EYS: variants seen among roughly 807,000 people sequenced by gnomAD.
The protein encoded by EYS is EGF-like photoreceptor maintenance factor, also known as protein eyes shut homolog.
In EYS, 250 loss-of-function variants were observed where a neutral mutation model predicts 282.1. That is an observed-to-expected ratio of 0.89 (90% CI 0.80 to 0.98). The LOEUF (loss-of-function observed/expected upper bound fraction) is 0.98, where lower values mean the gene tolerates loss of function less well. Ranked by LOEUF, EYS falls within the 50% of genes least tolerant of loss-of-function variation. The pLI is 0.00. For missense variants in EYS, 4,016 were observed against 3,709.0 expected (o/e 1.08, Z -2.15); for synonymous variants, 1,355 against 1,282.9 (o/e 1.06, Z -1.20).
chr6:65,499,861 G>A (rs183371827), intron 2 of EYS, among the ~76,000 whole-genome samples: 2 of 151,918 alleles, frequency 1.3e-5, no homozygotes, highest in Admixed American at 1.3e-4. Context: ...TGACTTTATC[G>A]ATTATGCTCC....
chr6:65,277,289 T>C (rs898797620), intron 12 of EYS, among the ~76,000 whole-genome samples: 2 of 151,882 alleles, frequency 1.3e-5, no homozygotes, highest in Admixed American at 1.3e-4. Flanking sequence ...AAAAATTAGC[T>C]GGGCATGTTG....
At chr6:64,746,721 T>C (rs750333421) in intron 22 of EYS, among the ~76,000 whole-genome samples, 2 of 152,240 alleles carry the variant, frequency 1.3e-5, no homozygotes, top group African/African-American at 4.8e-5. Context: ...CCATACAGAC[T>C]GTATATAGGC....
chr6:64,313,785 A>G (rs2150379960), intron 29 of EYS, among the ~76,000 whole-genome samples: 1 of 152,302 alleles, frequency 6.6e-6, no homozygotes, highest in East Asian at 1.9e-4. Context: ...TAAGTGAAGG[A>G]GAAATAAAAT....
At chr6:64,508,282 C>T (rs985096200) in intron 26 of EYS, among the ~76,000 whole-genome samples, 1 of 151,232 alleles carries the variant, frequency 6.6e-6, no homozygotes, top group Non-Finnish European at 1.5e-5. Context: ...TTGATCAAAA[C>T]GGGGAAATAA....
At chr6:64,706,902 G>A (rs550208156) in intron 22 of EYS, among the ~76,000 whole-genome samples, 3 of 152,244 alleles carry the variant, frequency 2.0e-5, no homozygotes, top group African/African-American at 4.8e-5. Context: ...GGAAAACAAT[G>A]TGGAAATTCC....
chr6:65,482,558 C>A (rs556312123), intron 5 of EYS, among the ~76,000 whole-genome samples: 74 of 152,238 alleles, frequency 4.9e-4, no homozygotes, highest in African/African-American at 1.7e-3. Context: ...CTTTTCTTTC[C>A]ATGAGCAAAA....
chr6:65,393,449 TG>T (rs1766138103), intron 7 of EYS, among the ~76,000 whole-genome samples: 1 of 152,216 alleles, frequency 6.6e-6, no homozygotes, highest in African/African-American at 2.4e-5. Context: ...AGTGACCAAG[TG>T]GAAGCATTCC....
intron 41 of EYS, among the ~76,000 whole-genome samples, chr6:63,758,141 A>C (rs774283777): frequency 2.0e-5 from 3 of 152,122 alleles, no homozygotes; most frequent in Non-Finnish European, 4.4e-5. Flanking sequence ...AGCCTCAAAC[A>C]GTCCTCCTGC....
intron 24 of EYS, among the ~76,000 whole-genome samples, chr6:64,606,766 C>G (rs1394507550): frequency 6.6e-6 from 1 of 151,094 alleles, no homozygotes; most frequent in Non-Finnish European, 1.5e-5. Context: ...AATGTGCACA[C>G]AGCCTTCTCC....
At chr6:64,480,299 T>G (rs1435327752) in intron 26 of EYS, among the ~76,000 whole-genome samples, 1 of 151,884 alleles carries the variant, frequency 6.6e-6, no homozygotes, top group Non-Finnish European at 1.5e-5. Context: ...ATCTTTAAAT[T>G]TGTCATTAAA....
At chr6:64,357,241 C>CA (rs1202101677) in intron 29 of EYS, among the ~76,000 whole-genome samples, 1 of 151,578 alleles carries the variant, frequency 6.6e-6, no homozygotes, top group Non-Finnish European at 1.5e-5. Flanking sequence ...ATTATATAGA[C>CA]AATTGTCAAT....
intron 22 of EYS, among the ~76,000 whole-genome samples, chr6:64,777,967 C>T (rs954442085): frequency 1.3e-5 from 2 of 151,838 alleles, no homozygotes; most frequent in Non-Finnish European, 2.9e-5. Flanking sequence ...CAATGAGATT[C>T]CAACCCAATT....
chr6:64,484,981 A>C (rs1449371394), intron 26 of EYS, among the ~76,000 whole-genome samples: 1 of 151,624 alleles, frequency 6.6e-6, no homozygotes, highest in African/African-American at 2.4e-5. Flanking sequence ...TCAAACAAAA[A>C]TGTGAAGGGA....
intron 35 of EYS, among the ~76,000 whole-genome samples, chr6:63,911,222 G>A (rs947782594): frequency 7.9e-5 from 12 of 151,812 alleles, no homozygotes; most frequent in African/African-American, 2.4e-4. Context: ...AGCAGTTGAC[G>A]CCAATAAAAA....
chr6:64,666,076 G>A (rs1769219722), intron 22 of EYS, among the ~76,000 whole-genome samples: 1 of 152,144 alleles, frequency 6.6e-6, no homozygotes, highest in African/African-American at 2.4e-5. Context: ...CAGACACTGA[G>A]GTCTAAGTGT....
chr6:65,652,053 A>G (rs1020296117), intron 1 of EYS, among the ~76,000 whole-genome samples: 4 of 152,044 alleles, frequency 2.6e-5, no homozygotes, highest in Non-Finnish European at 5.9e-5. Flanking sequence ...TGTATGTAGA[A>G]TTAAAATAAA....
intron 13 of EYS, among the ~76,000 whole-genome samples, chr6:65,014,459 GCTATTGGAAAGC>G (rs138395806): frequency 0.01 from 1,579 of 152,298 alleles, 28 homozygotes; most frequent in African/African-American, 0.036. Flanking sequence ...CATCTTCAGT[GCTATTGGAAAGC>G]CTACTGAACA....
intron 5 of EYS, among the ~76,000 whole-genome samples, chr6:65,487,329 T>C (rs62360800): frequency 1.3e-5 from 2 of 152,176 alleles, no homozygotes; most frequent in East Asian, 1.9e-4. Context: ...ATAGCTCTTA[T>C]TATGTTGACA....
At chr6:65,151,370 T>C (rs1345887710) in intron 12 of EYS, among the ~76,000 whole-genome samples, 1 of 151,980 alleles carries the variant, frequency 6.6e-6, no homozygotes, top group Non-Finnish European at 1.5e-5. Flanking sequence ...ATTTCAGTTC[T>C]GGTATAATCC....
Sources: allele counts gnomAD v4.1 joint callset (sites outside exome capture counted in the v4.1 genomes callset), GRCh38; gene constraint gnomAD v4.1.1; transcripts MANE v1.5; gene names NCBI Gene and HGNC (gene_info 2026-07-23, HGNC 2026-07-21).